ZC3H12D: variants seen among roughly 807,000 people sequenced by gnomAD.
ZC3H12D encodes probable ribonuclease ZC3H12D.
In ZC3H12D, 11 loss-of-function variants were observed where a neutral mutation model predicts 24.2. That is an observed-to-expected ratio of 0.46 (90% CI 0.29 to 0.75). The LOEUF is 0.75. Ranked by LOEUF, ZC3H12D falls within the 30% of genes least tolerant of loss-of-function variation. ZC3H12D has a pLI of 0.11. For synonymous variants in ZC3H12D, 333 were observed against 341.8 expected, an observed-to-expected ratio of 0.97 and a Z score of 0.28; for missense variants, 740 against 767.7, an observed-to-expected ratio of 0.96 and a Z score of 0.43.
At chr6:149,458,128 CTT>C (rs1189920889) in intron 3 of ZC3H12D, among the ~76,000 whole-genome samples, 526 of 39,774 alleles carry the variant, frequency 0.013, 14 homozygotes, top group African/African-American at 0.053. Flanking sequence ...TTTTTCGTTT[CTT>C]TTTTTTTTTT....
At chr6:149,478,904 G>A (rs183259686) in intron 1 of ZC3H12D, among the ~76,000 whole-genome samples, 36 of 152,146 alleles carry the variant, frequency 2.4e-4, no homozygotes, top group African/African-American at 3.6e-4. Flanking sequence ...CACCTGCTTC[G>A]AAATCTCCTC....
rs140104591 is a variant in ZC3H12D at position 149,462,999 on chromosome 6, T to C, written c.306-1029A>G. Among the ~76,000 whole-genome samples, 538 of 152,352 alleles carry C rather than the reference T, an allele frequency of 3.5e-3. 3 individuals carry two copies. The highest frequency in any genetic ancestry group is 0.012 in the African/African-American group (514 of 41,586). On this transcript the variant is annotated intron_variant, in intron 2 of 5. Coordinates refer to ENST00000409806, the MANE Select transcript of ZC3H12D (RefSeq NM_207360.3). Reference sequence around the variant, plus strand: ...TTGTGATCGTGTGAGTCACTACTCCTTAATAAACTCCCCTTCATATATACA... The same window carrying C: ...TTGTGATCGTGTGAGTCACTACTCCCTAATAAACTCCCCTTCATATATACA...
At chr6:149,464,267 C>T (rs373660290) in intron 2 of ZC3H12D, among the ~76,000 whole-genome samples, 2 of 152,302 alleles carry the variant, frequency 1.3e-5, no homozygotes, top group East Asian at 3.9e-4. Flanking sequence ...GGTCACCAAA[C>T]GCTGCTCCAA....
At chr6:149,465,859 C>T (rs1776152569) in intron 2 of ZC3H12D, among the ~76,000 whole-genome samples, 1 of 151,938 alleles carries the variant, frequency 6.6e-6, no homozygotes, top group Non-Finnish European at 1.5e-5. Context: ...GTCCTCACCC[C>T]ACCCCCCAAT....
chr6:149,450,912 C>A lies in ZC3H12D; in HGVS notation c.1355G>T (p.Trp452Leu). 2 of 1,540,054 alleles carry A rather than the reference C, an allele frequency of 1.3e-6. No homozygotes were observed. The highest frequency in any genetic ancestry group is 1.2e-5 in the South Asian group (1 of 83,974). Residue 452 changes from tryptophan (W) to leucine (L), a missense_variant, in exon 6 of 6, where the codon TGG (tryptophan) becomes TTG (leucine). Physicochemically the swap from Trp to Leu is moderately conservative, Grantham distance 61. Coordinates refer to ENST00000409806, the MANE Select transcript of ZC3H12D (RefSeq NM_207360.3). Reference protein sequence around the residue: ...RSDRFPGRSVWAEPAWGDGAT... With the variant: ...RSDRFPGRSVLAEPAWGDGAT... ...GCCGTCGCCCCAGGCCGGCTCCGCC[C>A]AGACGGAGCGCCCAGGGAAGCGGTC...
intron 5 of ZC3H12D, 85 bp from the exon 6 acceptor site, chr6:149,451,564 C>T (rs1017412567): frequency 8.4e-7 from 1 of 1,192,038 alleles, no homozygotes. Flanking sequence ...CGGGGAGTGC[C>T]GGCCCGCGGC....
chr6:149,466,593 C>T (rs915734189), intron 2 of ZC3H12D, among the ~76,000 whole-genome samples: 2 of 152,022 alleles, frequency 1.3e-5, no homozygotes, highest in African/African-American at 4.8e-5. Flanking sequence ...AAACTTGTTT[C>T]TTGGCTGGGT....
At chr6:149,475,736 C>T (rs1776328919) in intron 1 of ZC3H12D, among the ~76,000 whole-genome samples, 1 of 149,892 alleles carries the variant, frequency 6.7e-6, no homozygotes, top group African/African-American at 2.5e-5. Context: ...AAGGGGCCTG[C>T]CCCAAATTTC....
chr6:149,459,707 A>G (rs1360258109), intron 3 of ZC3H12D: 4 of 717,626 alleles, frequency 5.6e-6, no homozygotes, highest in Non-Finnish European at 1.0e-5. Context: ...TACAACTAGG[A>G]AGGAAGAAGC....
chr6:149,469,946 TG>T (rs1190629899), intron 2 of ZC3H12D, among the ~76,000 whole-genome samples: 7 of 152,112 alleles, frequency 4.6e-5, no homozygotes, highest in Non-Finnish European at 7.4e-5. Context: ...TGGTAATGTC[TG>T]GGGGGAACAT....
chr6:149,460,702 C>T (rs1315462715), intron 3 of ZC3H12D, among the ~76,000 whole-genome samples: 4 of 152,006 alleles, frequency 2.6e-5, no homozygotes, highest in African/African-American at 4.8e-5. Context: ...TGGTGGCACG[C>T]GCCTGTAGTC....
intron 3 of ZC3H12D, among the ~76,000 whole-genome samples, chr6:149,458,800 G>A (rs1380217234): frequency 1.3e-5 from 2 of 152,190 alleles, no homozygotes; most frequent in African/African-American, 4.8e-5. Context: ...GCACAAAATG[G>A]CCTCCTATTG....
At chr6:149,455,213 T>C (rs1342878338) in intron 4 of ZC3H12D, among the ~76,000 whole-genome samples, 1 of 152,094 alleles carries the variant, frequency 6.6e-6, no homozygotes, top group Non-Finnish European at 1.5e-5. Flanking sequence ...AGTCAGCAGC[T>C]GCTCAGCCGT....
chr6:149,459,651 G>T (rs1194403609), intron 3 of ZC3H12D: 2 of 717,930 alleles, frequency 2.8e-6, no homozygotes, highest in Non-Finnish European at 5.2e-6. Flanking sequence ...CAGGAGAATG[G>T]ACCTCCACTC....
Position 149,450,540 on chromosome 6 carries a change from G to A in ZC3H12D, c.*143C>T, listed in dbSNP as rs934164572. On this transcript the variant is annotated 3_prime_UTR_variant, in exon 6 of 6. Coordinates refer to ENST00000409806, the MANE Select transcript of ZC3H12D (RefSeq NM_207360.3). ...AGGCCCCCACAACCCCGCTCAGGAG[G>A]AGGAAGCAGGCTTCCCTGACCATCT... is the stretch of plus-strand genomic sequence containing the variant. 8 of 888,738 alleles carry A rather than the reference G, an allele frequency of 9.0e-6. No individual in the cohort carries two copies. In the African/African-American group the frequency reaches 1.4e-4, roughly 15 times the overall value. The allele number at this position is 888,738 out of a possible 1,614,324, so 55.1% of individuals were successfully genotyped here.
chr6:149,458,111 C>CTTTTTTTTT (rs57317596), intron 3 of ZC3H12D, among the ~76,000 whole-genome samples: 1 of 80,222 alleles, frequency 1.2e-5, no homozygotes, highest in Non-Finnish European at 2.4e-5. Flanking sequence ...CTTTCTTTTT[C>CTTTTTTTTT]TTTTTTTTTT....
intron 2 of ZC3H12D, among the ~76,000 whole-genome samples, chr6:149,465,865 C>A (rs1237493373): frequency 6.6e-6 from 1 of 152,046 alleles, no homozygotes; most frequent in Non-Finnish European, 1.5e-5. Flanking sequence ...ACCCCACCCC[C>A]CAATTCCAGC....
intron 3 of ZC3H12D, among the ~76,000 whole-genome samples, chr6:149,458,903 G>A (rs912970509): frequency 9.2e-5 from 14 of 152,064 alleles, no homozygotes; most frequent in African/African-American, 2.9e-4. Flanking sequence ...TTTCTTTTCT[G>A]TAAACAGCTT....
In ZC3H12D at chr6:149,450,723, T is replaced by C; in HGVS notation, c.1544A>G (p.Gln515Arg). The C allele has an allele frequency of 1.9e-6, 3 of 1,546,306 alleles. No individual in the cohort carries two copies. Among genetic ancestry groups the C allele is most frequent in the Non-Finnish European group, 2.6e-6 (3 of 1,145,030 alleles). ...GGGCGCCCCCGCGCTCTGGCATCTC[T>C]GTACCAGGAGGATGAGCCTGGCGAG... ...SDLARLILLV[Q>R]RCQSAGAPLG... The change falls in exon 6 of 6, where the codon CAG becomes CGG. Residue 515 changes from glutamine (Q) to arginine (R), a missense_variant. Physicochemically the swap from Gln to Arg is conservative, Grantham distance 43. Transcript: ENST00000409806.
Sources: gnomAD v4.1 joint callset for allele counts (sites outside exome capture counted in the v4.1 genomes callset) on GRCh38, gnomAD v4.1.1 for gene constraint, MANE v1.5 for transcripts, NCBI Gene and HGNC (gene_info 2026-07-23, HGNC 2026-07-21) for gene names.